IQGAP2: variants seen among roughly 807,000 people sequenced by gnomAD.
The protein encoded by IQGAP2 is ras GTPase-activating-like protein IQGAP2.
Under a neutral mutation model 201.3 loss-of-function variants are expected in IQGAP2, and 173 were observed. The ratio of observed to expected loss-of-function variants is 0.86; its 90% confidence interval spans 0.76 to 0.98. IQGAP2 has a LOEUF of 0.98. Among genes scored for constraint, IQGAP2 ranks in the 50% least tolerant of loss-of-function variants. The pLI, the probability that IQGAP2 is intolerant of heterozygous loss-of-function variation, is 0.00. For synonymous variants in IQGAP2, 675 were observed against 673.9 expected (o/e 1.00, Z -0.03); for missense variants, 1,687 against 1,864.8 (o/e 0.90, Z 1.76).
intron 2 of IQGAP2, among the ~76,000 whole-genome samples, chr5:76,525,068 C>T (rs1207577654): frequency 1.3e-5 from 2 of 152,130 alleles, no homozygotes; most frequent in African/African-American, 4.8e-5. Context: ...ATGGGACTGC[C>T]GTGAGACTGC....
chr5:76,639,665 T>A (rs535080925), intron 16 of IQGAP2, among the ~76,000 whole-genome samples: 2 of 152,336 alleles, frequency 1.3e-5, no homozygotes, highest in East Asian at 3.9e-4. Context: ...GCATCAAAGA[T>A]ATCGCAGTGT....
At chr5:76,520,845 T>A (rs2150194531) in intron 2 of IQGAP2, among the ~76,000 whole-genome samples, 1 of 151,994 alleles carries the variant, frequency 6.6e-6, no homozygotes, top group South Asian at 2.1e-4. Flanking sequence ...GTGGATGGGA[T>A]TACAGGCACA....
chr5:76,630,091 G>A (rs17567779), intron 14 of IQGAP2, among the ~76,000 whole-genome samples: 12,734 of 152,204 alleles, frequency 0.084, 739 homozygotes, highest in African/African-American at 0.16. Context: ...TTTCCTGGTT[G>A]GTTGTGACTT....
chr5:76,532,004 C>T (rs532787225), intron 2 of IQGAP2, among the ~76,000 whole-genome samples: 1 of 152,312 alleles, frequency 6.6e-6, no homozygotes, highest in South Asian at 2.1e-4. Flanking sequence ...TCTCTAGTGC[C>T]ATTCATGAGG....
chr5:76,593,711 A>G (rs148835164), intron 9 of IQGAP2, among the ~76,000 whole-genome samples: 26 of 152,332 alleles, frequency 1.7e-4, no homozygotes, highest in African/African-American at 6.0e-4. Context: ...AAACTAATAC[A>G]TGAAAGGCCA....
intron 29 of IQGAP2, 124 bp downstream of exon 29, chr5:76,683,341 T>C: frequency 1.6e-6 from 1 of 606,296 alleles, no homozygotes; most frequent in Non-Finnish European, 2.9e-6. Flanking sequence ...CTTAAGCATA[T>C]TTAAAGAATA....
chr5:76,625,449 T>C (rs1456715926), intron 13 of IQGAP2, among the ~76,000 whole-genome samples: 1 of 152,162 alleles, frequency 6.6e-6, no homozygotes, highest in Non-Finnish European at 1.5e-5. Flanking sequence ...TCCCTGTCTC[T>C]TTTTTTCCTC....
chr5:76,409,303 G>C (rs1750978178), intron 1 of IQGAP2, among the ~76,000 whole-genome samples: 2 of 131,122 alleles, frequency 1.5e-5, no homozygotes, highest in Admixed American at 8.5e-5. Flanking sequence ...CTAGAGTGCA[G>C]TGACATGATC....
In IQGAP2 at chr5:76,589,640, A is replaced by G. The variant is rs1392022365; in HGVS notation, c.552A>G (p.Lys184=). ...AGGAGGAAATCAGTAATATGAGAAA[A>G]GAACTTGAGAAATATGGAATACAGA... is the stretch of plus-strand genomic sequence containing the variant. ...FTEEEISNMR[K]ELEKYGIQMP... Residue 184 remains lysine (K), a synonymous_variant, in exon 7 of 36, where the codon AAA becomes AAG. Coordinates refer to ENST00000274364, the MANE Select transcript of IQGAP2 (RefSeq NM_006633.5). 1 of 1,602,722 alleles carries G rather than the reference A, an allele frequency of 6.2e-7. No homozygotes were observed. The highest frequency in any genetic ancestry group is 1.3e-5 in the African/African-American group (1 of 74,746).
At chr5:76,629,033 C>T (rs2431358) in intron 14 of IQGAP2, among the ~76,000 whole-genome samples, 140,633 of 152,256 alleles carry the variant, frequency 0.92, 65,194 homozygotes, top group Middle Eastern at 0.97. Flanking sequence ...TTCTTACATT[C>T]GGCCTGCAAA....
intron 13 of IQGAP2, among the ~76,000 whole-genome samples, chr5:76,622,552 AG>A (rs2150365981): frequency 6.6e-6 from 1 of 152,348 alleles, no homozygotes; most frequent in South Asian, 2.1e-4. Context: ...AAAAAGCAGG[AG>A]GTTTCAGGCT....
At chr5:76,583,089 T>A (rs1185641063) in intron 5 of IQGAP2, among the ~76,000 whole-genome samples, 1 of 152,226 alleles carries the variant, frequency 6.6e-6, no homozygotes, top group Non-Finnish European at 1.5e-5. Flanking sequence ...CTCAGCCCTT[T>A]GACTTGGCTG....
chr5:76,497,264 CG>C (rs1479450402), intron 2 of IQGAP2, among the ~76,000 whole-genome samples: 9 of 152,294 alleles, frequency 5.9e-5, no homozygotes, highest in Admixed American at 2.6e-4. Context: ...CTGCCTTCTG[CG>C]GTTTGGAGTT....
rs556088859 is a variant in IQGAP2 at position 76,693,203 on chromosome 5, G to C, written c.3906-152G>C. On this transcript the variant is annotated intron_variant, in intron 30 of 35. Coordinates refer to ENST00000274364, the MANE Select transcript of IQGAP2 (RefSeq NM_006633.5). ...ATAAACTTTCAGGAGCCTTATAGCA[G>C]ACCTGGTGAATATCCGCAAGAATGT... 8.8e-6 allele frequency: 5 copies of C among 569,892 alleles called. No individual in the cohort carries two copies. The South Asian group carries it at 1.3e-4, about 15-fold the overall frequency. The allele number at this position is 569,892 out of a possible 1,614,324, so 35.3% of individuals were successfully genotyped here.
At chr5:76,550,134 C>G (rs1743348713) in intron 2 of IQGAP2, among the ~76,000 whole-genome samples, 1 of 152,128 alleles carries the variant, frequency 6.6e-6, no homozygotes, top group South Asian at 2.1e-4. Flanking sequence ...CCCGTGAAAC[C>G]AGACAAGTTA....
At chr5:76,692,384 G>A (rs967620983) in intron 30 of IQGAP2, among the ~76,000 whole-genome samples, 28 of 152,272 alleles carry the variant, frequency 1.8e-4, no homozygotes, top group East Asian at 5.8e-4. Context: ...ACTTCTGACC[G>A]CAGGTGATCC....
intron 13 of IQGAP2, chr5:76,623,434 T>TC: frequency 1.7e-6 from 1 of 596,322 alleles, no homozygotes; most frequent in Non-Finnish European, 3.0e-6. Flanking sequence ...TCAGTAAGCA[T>TC]GACTCAGGCC....
At chr5:76,512,118 G>A (rs1758004350) in intron 2 of IQGAP2, among the ~76,000 whole-genome samples, 1 of 152,162 alleles carries the variant, frequency 6.6e-6, no homozygotes, top group African/African-American at 2.4e-5. Flanking sequence ...GCAGTAACAG[G>A]GAAACTGAGA....
At chr5:76,492,323 G>A (rs923881927) in intron 2 of IQGAP2, among the ~76,000 whole-genome samples, 1 of 152,190 alleles carries the variant, frequency 6.6e-6, no homozygotes, top group Non-Finnish European at 1.5e-5. Flanking sequence ...GACGGCTCAG[G>A]CCTCCTGTCC....
Sources: allele counts gnomAD v4.1 joint callset (sites outside exome capture counted in the v4.1 genomes callset), GRCh38; gene constraint gnomAD v4.1.1; transcripts MANE v1.5; gene names NCBI Gene and HGNC (gene_info 2026-07-23, HGNC 2026-07-21).